ZFYVE9: variants seen among roughly 807,000 people sequenced by gnomAD.
ZFYVE9 encodes zinc finger FYVE-type containing 9.
In ZFYVE9, 43 loss-of-function variants were observed where a neutral mutation model predicts 126.7. The observed-to-expected ratio is 0.34, with a 90% CI of 0.27 to 0.44. The LOEUF is 0.44. Ranked by LOEUF, ZFYVE9 falls within the 20% of genes least tolerant of loss-of-function variation. The pLI, the probability that ZFYVE9 is intolerant of heterozygous loss-of-function variation, is 1.00. For synonymous variants in ZFYVE9, 521 were observed against 597.4 expected, an observed-to-expected ratio of 0.87 and a Z score of 1.87; for missense variants, 1,476 against 1,697.0, an observed-to-expected ratio of 0.87 and a Z score of 2.29.
intron 1 of ZFYVE9, chr1:52,180,488 T>C: frequency 1.1e-6 from 1 of 892,042 alleles, no homozygotes; most frequent in Non-Finnish European, 1.9e-6. Context: ...CAGTTGAAGA[T>C]GTATTGCTGT....
chr1:52,293,043 G>A (rs1437266867), intron 10 of ZFYVE9, among the ~76,000 whole-genome samples: 1 of 151,958 alleles, frequency 6.6e-6, no homozygotes, highest in Non-Finnish European at 1.5e-5. Flanking sequence ...TTACTGTTTG[G>A]TAGTGTCCAT....
At chr1:52,303,036 G>A (rs1006102132) in intron 12 of ZFYVE9, among the ~76,000 whole-genome samples, 1 of 152,088 alleles carries the variant, frequency 6.6e-6, no homozygotes, top group African/African-American at 2.4e-5. Flanking sequence ...CTTGAACCCT[G>A]GAGGCGGAGG....
At chr1:52,290,687 A>G (rs1645911182) in intron 10 of ZFYVE9, among the ~76,000 whole-genome samples, 1 of 152,176 alleles carries the variant, frequency 6.6e-6, no homozygotes, top group Non-Finnish European at 1.5e-5. Context: ...CTGATCCTGC[A>G]GTGGCTGCCA....
chr1:52,304,316 G>GATCA (rs1234034215), intron 13 of ZFYVE9, among the ~76,000 whole-genome samples: 1 of 152,056 alleles, frequency 6.6e-6, no homozygotes, highest in African/African-American at 2.4e-5. Flanking sequence ...AGGCTGGAGT[G>GATCA]CAATGGTGTG....
intron 13 of ZFYVE9, among the ~76,000 whole-genome samples, chr1:52,317,573 A>C (rs1646197931): frequency 6.6e-6 from 1 of 152,190 alleles, no homozygotes; most frequent in South Asian, 2.1e-4. Context: ...AGTAAATGAA[A>C]TACAAAATAG....
intron 7 of ZFYVE9, among the ~76,000 whole-genome samples, chr1:52,269,389 CA>C: frequency 6.6e-6 from 1 of 152,212 alleles, no homozygotes; most frequent in South Asian, 2.1e-4. Context: ...CTCAGCCTCC[CA>C]AAGTGCTAGG....
rs1645812148 is a variant in ZFYVE9 at position 52,282,239 on chromosome 1, T to C, written c.3025+423T>C. Among the ~76,000 whole-genome samples, 4 of 152,100 alleles carry C rather than the reference T, an allele frequency of 2.6e-5. No individual in the cohort carries two copies. In the South Asian group the frequency reaches 8.3e-4, roughly 32 times the overall value. Reference sequence around the variant, plus strand: ...ATGACTATGGCTTCAAAATAAATTGTAAATATTAACTGTAACAACTTAAAA... The same window carrying C: ...ATGACTATGGCTTCAAAATAAATTGCAAATATTAACTGTAACAACTTAAAA... On this transcript the variant is annotated intron_variant, in intron 10 of 18. Coordinates refer to ENST00000287727, the MANE Select transcript of ZFYVE9 (RefSeq NM_004799.4).
intron 1 of ZFYVE9, among the ~76,000 whole-genome samples, chr1:52,207,572 T>C (rs1644989460): frequency 6.6e-6 from 1 of 152,250 alleles, no homozygotes; most frequent in African/African-American, 2.4e-5. Context: ...TCAGAGCTTA[T>C]TTCATTTCTT....
At position 52,239,592 on chromosome 1, in the gene ZFYVE9, G is replaced by C; in HGVS notation, c.2175G>C (p.Gly725=). 6.2e-7 allele frequency: 1 copy of C among 1,609,500 alleles called. No individual in the cohort carries two copies. The highest frequency in any genetic ancestry group is 2.2e-5 in the East Asian group (1 of 44,780). The stretch of plus-strand genomic sequence containing the variant: ...GGAGGCATCACTGCAGAGCATGTGG[G>C]AAGGTAAGTTGCATGTATACACTCA... ...TKRRHHCRAC[G]KVFCASCCSL... is the part of the protein sequence containing the mutation. Residue 725 remains glycine (G), a synonymous_variant, in exon 4 of 19, where the codon GGG becomes GGC. Coordinates refer to ENST00000287727, the MANE Select transcript of ZFYVE9 (RefSeq NM_004799.4).
chr1:52,322,867 C>T (rs1053329702), intron 13 of ZFYVE9, among the ~76,000 whole-genome samples: 10 of 152,144 alleles, frequency 6.6e-5, no homozygotes, highest in East Asian at 1.9e-4. Context: ...TGCAGTGGCG[C>T]GATCTCAGCT....
At chr1:52,170,286 C>A (rs371783738) in intron 1 of ZFYVE9, among the ~76,000 whole-genome samples, 3 of 152,162 alleles carry the variant, frequency 2.0e-5, no homozygotes, top group South Asian at 2.1e-4. Context: ...CACTCATGAT[C>A]CTTTGAATTT....
chr1:52,223,500 A>G (rs1294800722), intron 2 of ZFYVE9, among the ~76,000 whole-genome samples: 2 of 151,932 alleles, frequency 1.3e-5, no homozygotes, highest in African/African-American at 2.4e-5. Context: ...CCTCTATGGG[A>G]TGGTCTTTCC....
intron 17 of ZFYVE9, among the ~76,000 whole-genome samples, chr1:52,343,440 C>T (rs906520891): frequency 6.0e-5 from 9 of 148,768 alleles, no homozygotes; most frequent in African/African-American, 2.2e-4. Flanking sequence ...AGCGAGACTC[C>T]ATCTCAAAAA....
intron 1 of ZFYVE9, among the ~76,000 whole-genome samples, chr1:52,164,359 A>G (rs944849017): frequency 7.2e-5 from 11 of 151,994 alleles, no homozygotes; most frequent in South Asian, 6.2e-4. Context: ...GATTACAGGC[A>G]TGCACCACCA....
chr1:52,281,604 T>C, intron 9 of ZFYVE9, 57 bp from the exon 10 acceptor site: 1 of 1,582,280 alleles, frequency 6.3e-7, no homozygotes, highest in Admixed American at 1.8e-5. Flanking sequence ...GCATCTTTTT[T>C]TAAGAGTAAG....
At chr1:52,156,838 CTT>C (rs35403349) in intron 1 of ZFYVE9, among the ~76,000 whole-genome samples, 5 of 144,450 alleles carry the variant, frequency 3.5e-5, no homozygotes, top group Non-Finnish European at 3.0e-5. Context: ...TAGTGACATT[CTT>C]TTTTTTTTTT....
intron 14 of ZFYVE9, among the ~76,000 whole-genome samples, chr1:52,333,201 G>A (rs975153960): frequency 6.6e-6 from 1 of 151,698 alleles, no homozygotes; most frequent in African/African-American, 2.4e-5. Context: ...GAGTTGATGG[G>A]TGCAGCAAAA....
chr1:52,206,302 A>G (rs909755506), intron 1 of ZFYVE9, among the ~76,000 whole-genome samples: 1 of 152,160 alleles, frequency 6.6e-6, no homozygotes, highest in African/African-American at 2.4e-5. Context: ...TTCCCTGAAT[A>G]TGGCGTTTTA....
At chr1:52,232,246 A>G (rs1188057582) in intron 2 of ZFYVE9, among the ~76,000 whole-genome samples, 5 of 152,180 alleles carry the variant, frequency 3.3e-5, no homozygotes, top group Non-Finnish European at 7.3e-5. Flanking sequence ...ACACTAAGGA[A>G]ATAGGTGTGG....
Sources: allele counts gnomAD v4.1 joint callset (sites outside exome capture counted in the v4.1 genomes callset), GRCh38; gene constraint gnomAD v4.1.1; transcripts MANE v1.5; gene names NCBI Gene and HGNC (gene_info 2026-07-23, HGNC 2026-07-21).